The following EBF1 variants were observed in gnomAD, a reference collection of about 807,000 sequenced individuals.
EBF1 encodes the protein transcription factor COE1.
In EBF1, 10 loss-of-function variants were observed where a neutral mutation model predicts 68.4. The ratio of observed to expected loss-of-function variants is 0.15; its 90% CI spans 0.09 to 0.25. EBF1 has a LOEUF of 0.25. Ranked by LOEUF, EBF1 falls within the 10% of genes least tolerant of loss-of-function variation. The pLI is 1.00. For missense variants in EBF1, 509 were observed against 794.4 expected (o/e 0.64, Z 4.32); for synonymous variants, 298 against 299.8 (o/e 0.99, Z 0.06).
chr5:158,981,631 C>T (rs1230275215), intron 6 of EBF1, among the ~76,000 whole-genome samples: 1 of 152,034 alleles, frequency 6.6e-6, no homozygotes, highest in Non-Finnish European at 1.5e-5. Context: ...TATTAAAACT[C>T]ATTAAAAATT....
intron 8 of EBF1, among the ~76,000 whole-genome samples, chr5:158,819,826 G>T (rs554336092): frequency 6.6e-6 from 1 of 152,162 alleles, no homozygotes; most frequent in Admixed American, 6.6e-5. Flanking sequence ...AGAAAATCTT[G>T]GTATTTATGA....
At chr5:158,953,912 T>G (rs530051001) in intron 6 of EBF1, among the ~76,000 whole-genome samples, 1 of 152,322 alleles carries the variant, frequency 6.6e-6, no homozygotes, top group Admixed American at 6.5e-5. Flanking sequence ...CCTTCCATAA[T>G]TAGGGGAAAA....
chr5:159,090,242 TA>T (rs11373419), intron 4 of EBF1, among the ~76,000 whole-genome samples: 12 of 126,384 alleles, frequency 9.5e-5, no homozygotes, highest in African/African-American at 2.2e-4. Context: ...TGTTTGTCAT[TA>T]AAAAAAAAAG....
chr5:159,012,291 AAAAAAAG>A (rs1164690602), intron 6 of EBF1, among the ~76,000 whole-genome samples: 9 of 151,896 alleles, frequency 5.9e-5, no homozygotes, highest in African/African-American at 1.7e-4. Flanking sequence ...GTCTCAAAAA[AAAAAAAG>A]AAAAAAGAAA....
Position 159,096,367 on chromosome 5 carries a change from G to C in EBF1, c.331C>G (p.Arg111Gly). 1 of 1,613,720 alleles carries C rather than the reference G, an allele frequency of 6.2e-7. No homozygotes were observed. The highest frequency in any genetic ancestry group is 8.5e-7 in the Non-Finnish European group (1 of 1,179,850). ...SEKTNNGIHY[R>G]LQLLYSNGIR... ...CCATTGCTGTAGAGAAGCTGAAGCC[G>C]GTAGTGAATTCCGTTATTGGTCTTT... The change falls in exon 3 of 16, where the codon CGG (arginine) becomes GGG (glycine). Residue 111 changes from arginine to glycine, a missense_variant. Transcript: ENST00000313708.
intron 2 of EBF1, 78 bp downstream of exon 2, chr5:159,096,896 G>A: frequency 6.5e-7 from 1 of 1,531,138 alleles, no homozygotes; most frequent in Non-Finnish European, 8.8e-7. Flanking sequence ...ACTCAAGGAA[G>A]GGCGCGCTGC....
chr5:159,043,507 T>C (rs1270057194), intron 6 of EBF1, among the ~76,000 whole-genome samples: 1 of 152,152 alleles, frequency 6.6e-6, no homozygotes, highest in Non-Finnish European at 1.5e-5. Context: ...ACATAGTAGG[T>C]GTCCACTGAA....
chr5:158,775,023 T>G (rs1774813016), intron 10 of EBF1, among the ~76,000 whole-genome samples: 1 of 151,626 alleles, frequency 6.6e-6, no homozygotes, highest in Non-Finnish European at 1.5e-5. Context: ...GTGCCCACAG[T>G]TTGAGGCCAG....
At chr5:158,722,116 C>T (rs189383914) in intron 11 of EBF1, among the ~76,000 whole-genome samples, 45 of 152,218 alleles carry the variant, frequency 3.0e-4, no homozygotes, top group Admixed American at 1.3e-4. Context: ...TTAAGACCAA[C>T]GCTGTGGGTT....
chr5:158,951,561 A>G (rs551377392), intron 6 of EBF1, among the ~76,000 whole-genome samples: 2 of 152,338 alleles, frequency 1.3e-5, no homozygotes, highest in East Asian at 3.9e-4. Context: ...GCCAATGTGC[A>G]TTCATAAATG....
At chr5:158,710,907 C>T (rs763248815) in intron 14 of EBF1, among the ~76,000 whole-genome samples, 7 of 152,208 alleles carry the variant, frequency 4.6e-5, no homozygotes, top group Non-Finnish European at 8.8e-5. Flanking sequence ...AGAAGAGTCA[C>T]TCGCAATGTC....
At chr5:158,716,494 C>T (rs1760741264) in intron 11 of EBF1, among the ~76,000 whole-genome samples, 1 of 152,168 alleles carries the variant, frequency 6.6e-6, no homozygotes, top group African/African-American at 2.4e-5. Context: ...ACCTGGATTT[C>T]TTGTCTTGAA....
At chr5:158,889,678 T>C (rs1473243737) in intron 6 of EBF1, among the ~76,000 whole-genome samples, 1 of 152,198 alleles carries the variant, frequency 6.6e-6, no homozygotes, top group Non-Finnish European at 1.5e-5. Flanking sequence ...TGTTCCATTT[T>C]ACAGATTAGA....
chr5:158,858,613 A>G (rs1794463607), intron 6 of EBF1, among the ~76,000 whole-genome samples: 1 of 152,132 alleles, frequency 6.6e-6, no homozygotes, highest in African/African-American at 2.4e-5. Context: ...CTGTCCCCCA[A>G]AATCTCCCCA....
chr5:158,967,540 C>T (rs1488466212), intron 6 of EBF1, among the ~76,000 whole-genome samples: 2 of 152,032 alleles, frequency 1.3e-5, no homozygotes, highest in Non-Finnish European at 2.9e-5. Context: ...ATATACGTAT[C>T]GAGTATATGT....
chr5:159,029,964 A>C (rs1768442488), intron 6 of EBF1, among the ~76,000 whole-genome samples: 2 of 151,948 alleles, frequency 1.3e-5, no homozygotes, highest in South Asian at 4.1e-4. Context: ...TTCTAAAAAA[A>C]AAAAAAACTA....
intron 7 of EBF1, among the ~76,000 whole-genome samples, chr5:158,837,345 C>T (rs935271261): frequency 3.3e-5 from 5 of 152,236 alleles, no homozygotes; most frequent in Non-Finnish European, 5.9e-5. Context: ...AGACTGAACT[C>T]ATGATCCATC....
chr5:158,817,864 T>C (rs1439655055), intron 8 of EBF1, among the ~76,000 whole-genome samples: 1 of 152,220 alleles, frequency 6.6e-6, no homozygotes, highest in East Asian at 1.9e-4. Flanking sequence ...TAGTGCCTGC[T>C]TAGTATGAAT....
intron 5 of EBF1, among the ~76,000 whole-genome samples, chr5:159,074,610 C>T (rs748438065): frequency 1.3e-5 from 2 of 152,174 alleles, no homozygotes; most frequent in African/African-American, 4.8e-5. Context: ...TCTTCAGGAC[C>T]CAGAAATATA....
Sources: gnomAD v4.1 joint callset for allele counts (sites outside exome capture counted in the v4.1 genomes callset) on GRCh38, gnomAD v4.1.1 for gene constraint, MANE v1.5 for transcripts, NCBI Gene and HGNC (gene_info 2026-07-23, HGNC 2026-07-21) for gene names.